Variants in ATG4C observed in about 807,000 individuals in gnomAD.
ATG4C encodes autophagy related 4C cysteine peptidase, also known as cysteine protease ATG4C.
A neutral mutation model predicts 57.6 loss-of-function variants in ATG4C; 56 were observed. The ratio of observed to expected loss-of-function variants is 0.97; its 90% confidence interval spans 0.78 to 1.21. ATG4C has a LOEUF of 1.21. Among genes scored for constraint, ATG4C ranks in the 50% most tolerant of loss-of-function variants. The pLI is 0.00. For missense variants in ATG4C, 595 were observed against 529.8 expected (o/e 1.12, Z -1.21); for synonymous variants, 157 against 174.1 (o/e 0.90, Z 0.78).
intron 6 of ATG4C, among the ~76,000 whole-genome samples, chr1:62,822,697 T>C (rs990124643): frequency 6.6e-6 from 1 of 152,246 alleles, no homozygotes; most frequent in Admixed American, 6.5e-5. Context: ...GACCAGACTC[T>C]ATCAGTGATT....
Position 62,803,704 on chromosome 1 carries a change from C to T in ATG4C, c.-68-15C>T. On this transcript the variant is annotated splice_polypyrimidine_tract_variant and intron_variant, in intron 1 of 10. Transcript: ENST00000317868. ...ATATGTAGTAATTACTGATTTTTTTCCTTAATTTTTAAAGTCAGTATAAAA... is the reference window on the plus strand; with the variant it reads ...ATATGTAGTAATTACTGATTTTTTTTCTTAATTTTTAAAGTCAGTATAAAA... 6 of 906,876 alleles carry T rather than the reference C, an allele frequency of 6.6e-6. No homozygotes were observed. Among genetic ancestry groups the T allele is most frequent in the Admixed American group, 2.7e-5 (1 of 36,994 alleles). 56.2% of individuals were successfully genotyped at this position (906,876 alleles called of 1,614,324 possible).
chr1:62,805,918 A>G (rs1042971908), intron 3 of ATG4C, among the ~76,000 whole-genome samples: 1 of 152,190 alleles, frequency 6.6e-6, no homozygotes, highest in Non-Finnish European at 1.5e-5. Context: ...TTTTAAATAT[A>G]CATCCTTGCT....
At position 62,816,743 on chromosome 1, in the gene ATG4C, G is replaced by T; in HGVS notation, c.329G>T (p.Gly110Val). The T allele has an allele frequency of 6.2e-7, 1 of 1,613,690 alleles. No homozygotes were observed. Among genetic ancestry groups the T allele is most frequent in the Non-Finnish European group, 8.5e-7 (1 of 1,179,800 alleles). ...GSALTTDCGWGCTLRTGQMLL... is the reference protein window; with the variant it reads ...GSALTTDCGWVCTLRTGQMLL... ...GCTTTGACAACAGACTGTGGGTGGG[G>T]CTGCACATTGAGAACTGGCCAGATG... Residue 110 changes from glycine to valine, a missense_variant, in exon 4 of 11, where the codon GGC becomes GTC. Gly to Val is a moderately radical substitution (Grantham distance 109). Transcript: ENST00000317868.
At chr1:62,845,284 A>G (rs1430393930) in intron 10 of ATG4C, among the ~76,000 whole-genome samples, 1 of 152,132 alleles carries the variant, frequency 6.6e-6, no homozygotes, top group African/African-American at 2.4e-5. Flanking sequence ...ATTTTAACCA[A>G]TCTCGTGGAT....
intron 3 of ATG4C, among the ~76,000 whole-genome samples, chr1:62,810,306 T>G (rs1665040347): frequency 6.6e-6 from 1 of 152,212 alleles, no homozygotes; most frequent in Admixed American, 6.5e-5. Context: ...TGAGAGACAT[T>G]AAATAATTAG....
chr1:62,796,877 G>T (rs1008507515), intron 1 of ATG4C, among the ~76,000 whole-genome samples: 8 of 152,200 alleles, frequency 5.3e-5, no homozygotes, highest in African/African-American at 1.7e-4. Flanking sequence ...GGAGGCCAAC[G>T]TGGGCGAATC....
rs532331436 is a variant in ATG4C, at chr1:62,819,893, T to C, written c.725+558T>C. On this transcript the variant is annotated intron_variant, in intron 5 of 10. Coordinates refer to ENST00000317868, the MANE Select transcript of ATG4C (RefSeq NM_032852.4). ...AGTCAAATTTCACTTTACTTCAGCT[T>C]TTTATGTACCATTTATTTTGATACC... 1.1e-4 allele frequency among the ~76,000 whole-genome samples: 17 copies of C among 152,140 alleles called. No homozygotes were observed. The East Asian group carries it at 2.1e-3, about 19-fold the overall frequency.
Position 62,786,091 on chromosome 1 carries a change from G to A in ATG4C, c.-69+1818G>A, listed in dbSNP as rs75600117. 2.0e-3 allele frequency among the ~76,000 whole-genome samples: 307 copies of A among 152,320 alleles called. 2 individuals are homozygous for A. The highest frequency in any genetic ancestry group is 0.012 in the Admixed American group (184 of 15,298). On this transcript the variant is annotated intron_variant, in intron 1 of 10. Transcript: ENST00000317868. ...GCAGTTATTCCAACTAAGCTATTGA[G>A]TATTATTTACATTTAACAGATGAAA...
intron 1 of ATG4C, among the ~76,000 whole-genome samples, chr1:62,800,348 A>C (rs1201393233): frequency 6.6e-6 from 1 of 152,192 alleles, no homozygotes; most frequent in Non-Finnish European, 1.5e-5. Flanking sequence ...AAATGTGGGC[A>C]ACTGTGGTAT....
intron 5 of ATG4C, 43 bp downstream of exon 5, chr1:62,819,378 C>T (rs748211780): frequency 1.3e-6 from 2 of 1,491,494 alleles, no homozygotes; most frequent in South Asian, 2.7e-5. Context: ...CAGAGGTCCT[C>T]AGGATTAAGA....
chr1:62,789,406 C>T (rs1341696195), intron 1 of ATG4C, among the ~76,000 whole-genome samples: 1 of 152,172 alleles, frequency 6.6e-6, no homozygotes, highest in Non-Finnish European at 1.5e-5. Flanking sequence ...TTTCTTACTC[C>T]TATTTGCACA....
chr1:62,792,307 T>C (rs1235540133), intron 1 of ATG4C, among the ~76,000 whole-genome samples: 1 of 152,180 alleles, frequency 6.6e-6, no homozygotes, highest in Non-Finnish European at 1.5e-5. Flanking sequence ...ATCTACTCAT[T>C]TCTAATCCTT....
intron 3 of ATG4C, among the ~76,000 whole-genome samples, chr1:62,806,724 C>T (rs1664892686): frequency 6.6e-6 from 1 of 152,062 alleles, no homozygotes; most frequent in African/African-American, 2.4e-5. Context: ...GAGAGGTTTC[C>T]TTGTTATTGT....
chr1:62,805,308 A>G, intron 3 of ATG4C, 53 bp downstream of exon 3: 1 of 1,444,410 alleles, frequency 6.9e-7, no homozygotes, highest in Non-Finnish European at 9.1e-7. Context: ...ATCATCATGT[A>G]ACTTTTTATT....
intron 1 of ATG4C, among the ~76,000 whole-genome samples, chr1:62,789,252 C>T (rs1435724015): frequency 6.6e-6 from 1 of 152,116 alleles, no homozygotes; most frequent in East Asian, 1.9e-4. Flanking sequence ...CCCAAGTATC[C>T]TTTTTTTCAA....
At chr1:62,805,379 A>G (rs1664845053) in intron 3 of ATG4C, 124 bp downstream of exon 3, 2 of 1,264,076 alleles carry the variant, frequency 1.6e-6, no homozygotes, top group African/African-American at 3.2e-5. Flanking sequence ...TATTTCTTAT[A>G]GCTCATAATA....
intron 1 of ATG4C, among the ~76,000 whole-genome samples, chr1:62,794,192 ATT>A (rs1439967444): frequency 2.0e-5 from 3 of 152,220 alleles, no homozygotes; most frequent in Non-Finnish European, 2.9e-5. Context: ...GGTTATGATG[ATT>A]ACTTTGCACA....
At chr1:62,846,451 C>T (rs1371268346) in intron 10 of ATG4C, among the ~76,000 whole-genome samples, 1 of 152,122 alleles carries the variant, frequency 6.6e-6, no homozygotes, top group Non-Finnish European at 1.5e-5. Flanking sequence ...CTTTAAATAT[C>T]AGTTATAGTC....
intron 10 of ATG4C, among the ~76,000 whole-genome samples, chr1:62,860,804 C>T (rs1557998348): frequency 1.3e-5 from 2 of 152,266 alleles, no homozygotes; most frequent in East Asian, 3.9e-4. Flanking sequence ...ATATACACTG[C>T]CCTGTACTGG....
Sources: gnomAD v4.1 joint callset for allele counts (sites outside exome capture counted in the v4.1 genomes callset) on GRCh38, gnomAD v4.1.1 for gene constraint, MANE v1.5 for transcripts, NCBI Gene and HGNC (gene_info 2026-07-23, HGNC 2026-07-21) for gene names.